LARP1: variants seen among roughly 807,000 people sequenced by gnomAD.
The protein encoded by LARP1 is La ribonucleoprotein 1, translational regulator, also known as la-related protein 1.
A neutral mutation model predicts 122.7 loss-of-function variants in LARP1; 36 were observed. The observed-to-expected ratio is 0.29, with a 90% CI of 0.22 to 0.39. The LOEUF (loss-of-function observed/expected upper bound fraction) is 0.39, where lower values mean the gene tolerates loss of function less well. Among genes scored for constraint, LARP1 ranks in the 10% least tolerant of loss-of-function variants. LARP1 has a pLI of 1.00. For synonymous variants in LARP1, 539 were observed against 528.7 expected (o/e 1.02, Z -0.27); for missense variants, 1,040 against 1,403.6 (o/e 0.74, Z 4.14).
chr5:154,685,724 C>T (rs1753902587), intron 1 of LARP1: 1 of 388,712 alleles, frequency 2.6e-6, no homozygotes, highest in African/African-American at 3.1e-5. Flanking sequence ...GTAATTCCAA[C>T]ACTTTGGGAG....
chr5:154,795,853 TA>T (rs1287228429), intron 8 of LARP1, among the ~76,000 whole-genome samples: 2 of 135,590 alleles, frequency 1.5e-5, no homozygotes, highest in East Asian at 4.0e-4. Flanking sequence ...TATTTATATA[TA>T]TTTTATATAC....
chr5:154,779,749 C>T (rs982905274), intron 1 of LARP1, among the ~76,000 whole-genome samples: 4 of 152,062 alleles, frequency 2.6e-5, no homozygotes, highest in Non-Finnish European at 4.4e-5. Context: ...CTCAGGTGAT[C>T]CGCCTGCCTC....
rs1759723462 is a variant in LARP1, at chr5:154,817,067, T to C, written c.*2971T>C. 1 of 151,136 alleles carries C rather than the reference T, an allele frequency of 6.6e-6. No homozygotes were observed. The highest frequency in any genetic ancestry group is 1.5e-5 in the Non-Finnish European group (1 of 67,896). 9.4% of individuals were successfully genotyped at this position (151,136 alleles called of 1,614,324 possible). A position where few individuals can be genotyped will look rare whatever the true frequency, so the allele number is the denominator to read the frequency against. Reference sequence around the variant, plus strand: ...TGGTGATTGATTTTACAAAAGAAAGTAAGCTGCTTAGAAGGCCCTGGAAGG... The same window carrying C: ...TGGTGATTGATTTTACAAAAGAAAGCAAGCTGCTTAGAAGGCCCTGGAAGG... On this transcript the variant is annotated 3_prime_UTR_variant, in exon 19 of 19. Transcript: ENST00000518297.
At chr5:154,791,611 C>T (rs899427054) in intron 3 of LARP1, among the ~76,000 whole-genome samples, 2 of 152,200 alleles carry the variant, frequency 1.3e-5, no homozygotes, top group Admixed American at 1.3e-4. Flanking sequence ...TAGAGACTGC[C>T]AAGTACAGTT....
At chr5:154,754,513 AT>A (rs1753676054), upstream of LARP1, among the ~76,000 whole-genome samples, 1 of 152,200 alleles carries the variant, frequency 6.6e-6, no homozygotes, top group Admixed American at 6.5e-5. Context: ...GCCCAAAGCA[AT>A]TCTTTAGAAA....
chr5:154,732,380 A>G (rs1756642277), intron 1 of LARP1, among the ~76,000 whole-genome samples: 2 of 152,186 alleles, frequency 1.3e-5, no homozygotes, highest in Non-Finnish European at 2.9e-5. Flanking sequence ...CTTCTATCTG[A>G]CTCATTGAAG....
At chr5:154,711,887 T>C (rs1755240430), upstream of LARP1, among the ~76,000 whole-genome samples, 1 of 152,196 alleles carries the variant, frequency 6.6e-6, no homozygotes, top group Non-Finnish European at 1.5e-5. Flanking sequence ...TTGTCATCAT[T>C]CATGTCTCAG....
In LARP1 at chr5:154,707,638, G is replaced by C. The variant is rs186933979; in HGVS notation, c.-180+24601G>C. Among the ~76,000 whole-genome samples, 19 of 152,168 alleles carry C rather than the reference G, an allele frequency of 1.2e-4. No individual in the cohort carries two copies. The East Asian group carries it at 2.7e-3, about 22-fold the overall frequency. On this transcript the variant is annotated intron_variant, in intron 1 of 18. Transcript: ENST00000687700. ...AAGACAATTTTTCCACAGCTGGGGT[G>C]GGGGGGCATGGTTTCAGGATGATTC... is the stretch of plus-strand genomic sequence containing the variant.
Position 154,814,122 on chromosome 5 carries a change from G to T in LARP1, c.*26G>T, listed in dbSNP as rs201424219. Reference sequence around the variant, plus strand: ...AAAGCTCCTTAGCCCTGGGGCTTGAGGGGGGAAAGGGGTAGGGTGGGTAAG... The same window carrying T: ...AAAGCTCCTTAGCCCTGGGGCTTGATGGGGGAAAGGGGTAGGGTGGGTAAG... On this transcript the variant is annotated 3_prime_UTR_variant, in exon 19 of 19. Transcript: ENST00000518297. 4 of 1,609,382 alleles carry T rather than the reference G, an allele frequency of 2.5e-6. No individual in the cohort carries two copies. Among genetic ancestry groups the T allele is most frequent in the South Asian group, 1.1e-5 (1 of 90,740 alleles).
intron 1 of LARP1, among the ~76,000 whole-genome samples, chr5:154,692,561 C>T (rs540264601): frequency 3.3e-5 from 5 of 152,196 alleles, no homozygotes; most frequent in East Asian, 1.9e-4. Context: ...CTCTTCCCCA[C>T]CCTGTAGGTT....
At chr5:154,746,276 G>A (rs924702926) in intron 1 of LARP1, among the ~76,000 whole-genome samples, 1 of 152,228 alleles carries the variant, frequency 6.6e-6, no homozygotes, top group African/African-American at 2.4e-5. Flanking sequence ...GGGCCCTTCT[G>A]TCTTGGAGCT....
At chr5:154,723,091 G>A (rs1432393546) in intron 1 of LARP1, among the ~76,000 whole-genome samples, 1 of 152,234 alleles carries the variant, frequency 6.6e-6, no homozygotes, top group Non-Finnish European at 1.5e-5. Context: ...CTGAACGAAA[G>A]CCAACATCTG....
chr5:154,706,043 C>T (rs1348111308), intron 1 of LARP1, among the ~76,000 whole-genome samples: 2 of 152,032 alleles, frequency 1.3e-5, no homozygotes, highest in African/African-American at 2.4e-5. Context: ...CGCCTGTAAT[C>T]CCAGCACTTT....
intron 13 of LARP1, 71 bp from the exon 14 acceptor site, chr5:154,804,130 C>G (rs1758563244): frequency 9.0e-7 from 1 of 1,106,086 alleles, no homozygotes; most frequent in Middle Eastern, 2.0e-4. Context: ...CATCTTAGTC[C>G]TACAAGTGCT....
At chr5:154,764,181 C>T (rs532320283) in intron 1 of LARP1, among the ~76,000 whole-genome samples, 5 of 151,544 alleles carry the variant, frequency 3.3e-5, no homozygotes, top group African/African-American at 9.7e-5. Flanking sequence ...TGGTGGCATG[C>T]GCCTGTAATC....
At chr5:154,759,704 A>T (rs1754288303) in intron 1 of LARP1, among the ~76,000 whole-genome samples, 2 of 152,040 alleles carry the variant, frequency 1.3e-5, no homozygotes, top group Admixed American at 6.6e-5. Flanking sequence ...TCAATTTATG[A>T]TTTTTTGACT....
intron 15 of LARP1, among the ~76,000 whole-genome samples, chr5:154,807,902 A>C (rs923503410): frequency 1.3e-5 from 2 of 152,228 alleles, no homozygotes; most frequent in African/African-American, 4.8e-5. Flanking sequence ...AGTTGTAGGA[A>C]TTCCTTTATC....
chr5:154,717,809 AT>A (rs1755602392), intron 1 of LARP1, among the ~76,000 whole-genome samples: 1 of 152,128 alleles, frequency 6.6e-6, no homozygotes, highest in Non-Finnish European at 1.5e-5. Context: ...TTCTGACCCC[AT>A]TTTTGCTACA....
intron 1 of LARP1, among the ~76,000 whole-genome samples, chr5:154,721,040 TAAAG>T (rs1755833455): frequency 6.6e-6 from 1 of 150,842 alleles, no homozygotes; most frequent in Non-Finnish European, 1.5e-5. Flanking sequence ...TCCATTGTCT[TAAAG>T]AAAAAAAAAA....
Sources: allele counts gnomAD v4.1 joint callset (sites outside exome capture counted in the v4.1 genomes callset), GRCh38; gene constraint gnomAD v4.1.1; transcripts MANE v1.5; gene names NCBI Gene and HGNC (gene_info 2026-07-23, HGNC 2026-07-21).